Variants in ADAMTS17 observed in about 807,000 individuals in gnomAD.
ADAMTS17 encodes the protein ADAM metallopeptidase with thrombospondin type 1 motif 17, also known as A disintegrin and metalloproteinase with thrombospondin motifs 17.
A neutral mutation model predicts 141.5 loss-of-function variants in ADAMTS17; 113 were observed. The ratio of observed to expected loss-of-function variants is 0.80; its 90% CI spans 0.69 to 0.93. ADAMTS17 has a LOEUF of 0.93. Among genes scored for constraint, ADAMTS17 ranks in the 40% least tolerant of loss-of-function variants. The pLI is 0.00. For synonymous variants in ADAMTS17, 768 were observed against 630.6 expected (o/e 1.22, Z -3.27); for missense variants, 1,659 against 1,517.9 (o/e 1.09, Z -1.54).
intron 7 of ADAMTS17, among the ~76,000 whole-genome samples, chr15:100,240,019 C>G (rs186352033): frequency 8.1e-4 from 123 of 152,300 alleles, no homozygotes; most frequent in African/African-American, 2.5e-3. Context: ...TGTGCCCAAC[C>G]CCAACAATCC....
At chr15:100,321,048 G>A (rs2045718772) in intron 3 of ADAMTS17, among the ~76,000 whole-genome samples, 1 of 152,090 alleles carries the variant, frequency 6.6e-6, no homozygotes, top group East Asian at 1.9e-4. Context: ...TCATTGGGAA[G>A]AGACAAAGAC....
chr15:99,997,603 G>C lies in ADAMTS17; in HGVS notation c.2592-14C>G. The C allele has an allele frequency of 6.2e-7, 1 of 1,612,612 alleles. No individual in the cohort carries two copies. Among genetic ancestry groups the C allele is most frequent in the Non-Finnish European group, 8.5e-7 (1 of 1,179,892 alleles). On this transcript the variant is annotated splice_polypyrimidine_tract_variant and intron_variant, in intron 18 of 21. Transcript: ENST00000268070. This position sits in a 1 kb window ranked among gnomAD's most constrained non-coding sequence, Gnocchi z 4.7. ...CCTGCCACCCACCTGCCAGACGGGA[G>C]GAAAGAGAGAGAGAACGACTGGGTG...
intron 18 of ADAMTS17, among the ~76,000 whole-genome samples, chr15:100,013,939 G>A (rs187978717): frequency 3.5e-3 from 526 of 152,244 alleles, no homozygotes; most frequent in South Asian, 0.01. Context: ...CTATTTTGTG[G>A]AATAGTGTCA....
intron 4 of ADAMTS17, among the ~76,000 whole-genome samples, chr15:100,270,574 G>A (rs1262168728): frequency 6.6e-6 from 1 of 151,686 alleles, no homozygotes; most frequent in Non-Finnish European, 1.5e-5. Context: ...GCTGGTATAT[G>A]GCATCAGTCA....
chr15:100,319,621 A>G (rs1567532117), intron 3 of ADAMTS17, among the ~76,000 whole-genome samples: 3 of 152,186 alleles, frequency 2.0e-5, no homozygotes, highest in African/African-American at 7.2e-5. Flanking sequence ...GAGGCAAGAG[A>G]ATCGCTTGAA....
chr15:100,265,174 G>A (rs934210718), intron 4 of ADAMTS17, among the ~76,000 whole-genome samples: 1 of 152,160 alleles, frequency 6.6e-6, no homozygotes, highest in African/African-American at 2.4e-5. Flanking sequence ...CTCTGACAAG[G>A]CTCAGAGCAC....
At chr15:100,238,986 G>T (rs746803953) in intron 7 of ADAMTS17, among the ~76,000 whole-genome samples, 1 of 152,212 alleles carries the variant, frequency 6.6e-6, no homozygotes, top group African/African-American at 2.4e-5. Flanking sequence ...AGGTACTCGG[G>T]AGACTGAGAT....
chr15:100,328,149 G>A (rs1364800744), intron 3 of ADAMTS17, among the ~76,000 whole-genome samples: 1 of 152,142 alleles, frequency 6.6e-6, no homozygotes, highest in African/African-American at 2.4e-5. Flanking sequence ...TGTTCCCATG[G>A]GAAAGCTTGG....
intron 15 of ADAMTS17, among the ~76,000 whole-genome samples, chr15:100,081,931 T>C (rs995666218): frequency 6.6e-6 from 1 of 152,252 alleles, no homozygotes; most frequent in Non-Finnish European, 1.5e-5. Flanking sequence ...TATGATGCAG[T>C]AGTTTAAAAA....
intron 12 of ADAMTS17, among the ~76,000 whole-genome samples, chr15:100,123,354 C>A (rs2141187095): frequency 6.6e-6 from 1 of 152,284 alleles, no homozygotes; most frequent in East Asian, 1.9e-4. Context: ...AAATAAAGAA[C>A]AGTTAATATA....
At chr15:100,100,967 A>G (rs911833898) in intron 14 of ADAMTS17, among the ~76,000 whole-genome samples, 2 of 151,270 alleles carry the variant, frequency 1.3e-5, no homozygotes, top group African/African-American at 4.9e-5. Context: ...CCAGGTGGGC[A>G]ACCAGAATAG....
At chr15:100,278,842 G>T (rs2044190517) in intron 4 of ADAMTS17, among the ~76,000 whole-genome samples, 1 of 152,184 alleles carries the variant, frequency 6.6e-6, no homozygotes, top group Non-Finnish European at 1.5e-5. Context: ...GCTTGACATG[G>T]TGGTCATAGC....
chr15:100,160,039 C>G (rs966719738), intron 8 of ADAMTS17, among the ~76,000 whole-genome samples: 2 of 139,602 alleles, frequency 1.4e-5, no homozygotes, highest in African/African-American at 5.2e-5. Flanking sequence ...TCAGAAAACC[C>G]GTTTCTCCTG....
At position 100,281,221 on chromosome 15, in the gene ADAMTS17, G is replaced by A. The variant is rs7496614; in HGVS notation, c.789+8C>T. ...CCCCCCACATCAGGACCCCGGCTCC[G>A]GACTCACCATGTTCATGACGGTCAG... On this transcript the variant is annotated splice_region_variant and intron_variant, in intron 4 of 21. Transcript: ENST00000268070. 483,400 of 1,602,824 alleles carry A rather than the reference G, an allele frequency of 0.3. 75,128 individuals carry two copies. Among genetic ancestry groups the A allele is most frequent in the South Asian group, 0.45 (41,273 of 91,010 alleles).
At chr15:99,985,932 CCA>C (rs2141301835) in intron 20 of ADAMTS17, among the ~76,000 whole-genome samples, 1 of 152,362 alleles carries the variant, frequency 6.6e-6, no homozygotes, top group South Asian at 2.1e-4. Context: ...TGTCTGGATC[CCA>C]CAGTGCTGAC....
At chr15:100,287,682 A>G (rs1228187818) in intron 3 of ADAMTS17, among the ~76,000 whole-genome samples, 1 of 152,242 alleles carries the variant, frequency 6.6e-6, no homozygotes, top group Non-Finnish European at 1.5e-5. Flanking sequence ...CTAACAGCAG[A>G]CCTTTCAGCA....
At chr15:100,220,379 C>G (rs188780158) in intron 7 of ADAMTS17, among the ~76,000 whole-genome samples, 2 of 152,114 alleles carry the variant, frequency 1.3e-5, no homozygotes, top group African/African-American at 4.8e-5. Flanking sequence ...TTCTTTCCCC[C>G]GAACGCTTCA....
chr15:100,299,324 CG>C (rs1311678141), intron 3 of ADAMTS17, among the ~76,000 whole-genome samples: 1 of 150,624 alleles, frequency 6.6e-6, no homozygotes, highest in Non-Finnish European at 1.5e-5. Flanking sequence ...TCAGGACAGT[CG>C]GGGGACTCGC....
intron 12 of ADAMTS17, among the ~76,000 whole-genome samples, chr15:100,121,260 A>C (rs960236448): frequency 3.3e-5 from 5 of 152,230 alleles, no homozygotes; most frequent in African/African-American, 1.2e-4. Context: ...TCTCAGGAGA[A>C]AAAAGAGAGA....
Sources: gnomAD v4.1 joint callset for allele counts (sites outside exome capture counted in the v4.1 genomes callset) on GRCh38, gnomAD v4.1.1 for gene constraint, Gnocchi (gnomAD v3.1) non-coding constraint, MANE v1.5 for transcripts, NCBI Gene and HGNC (gene_info 2026-07-23, HGNC 2026-07-21) for gene names.